Variants in FMN2 observed in about 807,000 individuals in gnomAD.
The protein encoded by FMN2 is formin 2.
Under a neutral mutation model 142.3 loss-of-function variants are expected in FMN2, and 51 were observed. That is an observed-to-expected ratio of 0.36 (90% CI 0.29 to 0.45). FMN2 has a LOEUF of 0.45. Ranked by LOEUF, FMN2 falls within the 20% of genes least tolerant of loss-of-function variation. FMN2 has a pLI of 1.00. For missense variants in FMN2, 1,936 were observed against 2,122.8 expected (o/e 0.91, Z 1.73); for synonymous variants, 882 against 869.8 (o/e 1.01, Z -0.25).
At chr1:240,299,863 G>A (rs188295769) in intron 8 of FMN2, among the ~76,000 whole-genome samples, 28 of 152,130 alleles carry the variant, frequency 1.8e-4, no homozygotes, top group African/African-American at 3.1e-4. Flanking sequence ...TGCACAAAGC[G>A]GAACAAGTTT....
chr1:240,454,277 C>T (rs1415931381), intron 16 of FMN2, among the ~76,000 whole-genome samples: 3 of 150,962 alleles, frequency 2.0e-5, no homozygotes, highest in African/African-American at 7.3e-5. Context: ...AATGGTGGCT[C>T]ATGCCTTTAA....
At chr1:240,464,209 A>C (rs954467010) in intron 16 of FMN2, among the ~76,000 whole-genome samples, 3 of 152,134 alleles carry the variant, frequency 2.0e-5, no homozygotes, top group African/African-American at 7.2e-5. Context: ...GTTTAAAATG[A>C]GTGCACAGCA....
chr1:240,318,104 A>C (rs1670851850), intron 8 of FMN2, among the ~76,000 whole-genome samples: 1 of 152,096 alleles, frequency 6.6e-6, no homozygotes, highest in African/African-American at 2.4e-5. Context: ...CATTTGCGCC[A>C]CCTCAGATCA....
rs142215555 is a variant in FMN2 at position 240,324,112 on chromosome 1, T to C, written c.4216-4964T>C. On this transcript the variant is annotated intron_variant, in intron 8 of 17. Coordinates refer to ENST00000319653, the MANE Select transcript of FMN2 (RefSeq NM_020066.5). ...TTTTCCCCCTTACCATAATAGTGAG[T>C]TGTGGTCCGCGAGTGATACTTATTT... Among the ~76,000 whole-genome samples, 991 of 152,172 alleles carry C rather than the reference T, an allele frequency of 6.5e-3. 10 individuals carry two copies. Among genetic ancestry groups the C allele is most frequent in the African/African-American group, 0.023 (936 of 41,512 alleles).
chr1:240,213,912 AT>A (rs747841859), intron 6 of FMN2, among the ~76,000 whole-genome samples: 4 of 152,222 alleles, frequency 2.6e-5, no homozygotes, highest in Non-Finnish European at 5.9e-5. Context: ...AGCTGGGCAC[AT>A]TGCCGTTTGG....
intron 6 of FMN2, among the ~76,000 whole-genome samples, chr1:240,248,685 A>G (rs1668172219): frequency 6.6e-6 from 1 of 151,888 alleles, no homozygotes. Flanking sequence ...ATTGTTTTCC[A>G]TAGTGACTGT....
chr1:240,165,617 G>A (rs1664449610), intron 2 of FMN2, among the ~76,000 whole-genome samples: 1 of 149,580 alleles, frequency 6.7e-6, no homozygotes, highest in Non-Finnish European at 1.5e-5. Context: ...TTTTATTTAT[G>A]TCTCCATTTT....
intron 15 of FMN2, among the ~76,000 whole-genome samples, chr1:240,396,164 T>C (rs1479057545): frequency 6.6e-6 from 1 of 152,220 alleles, no homozygotes; most frequent in Non-Finnish European, 1.5e-5. Context: ...TTCTGTTGCA[T>C]ACTTAATAGA....
chr1:240,313,657 A>C (rs1038590951), intron 8 of FMN2, among the ~76,000 whole-genome samples: 10 of 152,052 alleles, frequency 6.6e-5, no homozygotes, highest in African/African-American at 2.2e-4. Context: ...AATTAATATT[A>C]AAATAATGTA....
intron 2 of FMN2, among the ~76,000 whole-genome samples, chr1:240,157,151 T>G (rs1664058190): frequency 6.6e-6 from 1 of 152,206 alleles, no homozygotes; most frequent in Non-Finnish European, 1.5e-5. Flanking sequence ...TCCTCTACAG[T>G]GCTGTGTTAA....
At chr1:240,159,974 T>TATACACACACACACAC (rs1202421069) in intron 2 of FMN2, among the ~76,000 whole-genome samples, 9 of 134,084 alleles carry the variant, frequency 6.7e-5, no homozygotes, top group African/African-American at 2.3e-4. Context: ...TATATATATA[T>TATACACACACACACAC]ACACACACAC....
chr1:240,322,894 T>A (rs922765223), intron 8 of FMN2, among the ~76,000 whole-genome samples: 2 of 152,144 alleles, frequency 1.3e-5, no homozygotes, highest in Non-Finnish European at 2.9e-5. Context: ...TTTTTTTGTC[T>A]ATGTCATAAC....
intron 8 of FMN2, among the ~76,000 whole-genome samples, chr1:240,324,128 A>G (rs1398047302): frequency 6.6e-6 from 1 of 152,124 alleles, no homozygotes; most frequent in East Asian, 1.9e-4. Flanking sequence ...TCCGCGAGTG[A>G]TACTTATTTG....
In FMN2 at chr1:240,151,184, G is replaced by A. The variant is rs983305803; in HGVS notation, c.1783-26737G>A. On this transcript the variant is annotated intron_variant, in intron 2 of 17. Coordinates refer to ENST00000319653, the MANE Select transcript of FMN2 (RefSeq NM_020066.5). ...GGCTCAGTAGATCAAAGCACTGCAC[G>A]TGAAGGCCTACCTCATTTTTAAATG... Among the ~76,000 whole-genome samples the A allele has an allele frequency of 5.3e-5, 8 of 152,270 alleles. No homozygotes were observed. In the South Asian group the frequency reaches 6.2e-4, roughly 12 times the overall value.
chr1:240,254,455 T>A (rs1668384084), intron 6 of FMN2, among the ~76,000 whole-genome samples: 1 of 151,816 alleles, frequency 6.6e-6, no homozygotes, highest in African/African-American at 2.4e-5. Context: ...GGGAGTGGGA[T>A]GGGTTTTAAC....
intron 6 of FMN2, among the ~76,000 whole-genome samples, chr1:240,235,024 C>G (rs950208569): frequency 2.0e-5 from 3 of 152,140 alleles, no homozygotes; most frequent in African/African-American, 7.2e-5. Flanking sequence ...TGTATGGCAA[C>G]CAGTATTGCA....
intron 4 of FMN2, among the ~76,000 whole-genome samples, chr1:240,202,793 G>A (rs1450880524): frequency 6.6e-6 from 1 of 152,046 alleles, no homozygotes; most frequent in African/African-American, 2.4e-5. Context: ...GTGTGTATGT[G>A]TTTATATAAT....
chr1:240,178,836 A>T (rs958118114), intron 3 of FMN2, among the ~76,000 whole-genome samples: 6 of 152,234 alleles, frequency 3.9e-5, no homozygotes. Flanking sequence ...ATAGAAGAAC[A>T]TCATTGCTAT....
chr1:240,174,811 A>T lies in FMN2; in HGVS notation c.1783-3110A>T, dbSNP rs192368665. 2.4e-4 allele frequency among the ~76,000 whole-genome samples: 36 copies of T among 152,310 alleles called. No individual in the cohort carries two copies. The South Asian group carries it at 2.7e-3, about 11-fold the overall frequency. Reference sequence around the variant, plus strand: ...ATTTACTGTTTTTAAAAAAATTATTAAAAAAATTTTAACTGTTGCAAAATA... The same window carrying T: ...ATTTACTGTTTTTAAAAAAATTATTTAAAAAATTTTAACTGTTGCAAAATA... On this transcript the variant is annotated intron_variant, in intron 2 of 17. Coordinates refer to ENST00000319653, the MANE Select transcript of FMN2 (RefSeq NM_020066.5).
Sources: gnomAD v4.1 joint callset for allele counts (sites outside exome capture counted in the v4.1 genomes callset) on GRCh38, gnomAD v4.1.1 for gene constraint, MANE v1.5 for transcripts, NCBI Gene and HGNC (gene_info 2026-07-23, HGNC 2026-07-21) for gene names.